Variants in MAP3K15 observed in about 807,000 individuals in gnomAD.
MAP3K15 encodes MAPK/ERK kinase kinase 15.
In MAP3K15, 124 loss-of-function variants were observed where a neutral mutation model predicts 99.5. The ratio of observed to expected loss-of-function variants is 1.25; its 90% CI spans 1.08 to 1.45. The LOEUF is 1.45. Ranked by LOEUF, MAP3K15 falls within the 40% of genes most tolerant of loss-of-function variation. The probability of loss-of-function intolerance (pLI) is 0.00; values close to 1 mark genes in which losing one functional copy is unlikely to be tolerated. For missense variants in MAP3K15, 1,242 were observed against 1,079.7 expected, an observed-to-expected ratio of 1.15 and a Z score of -2.11; for synonymous variants, 494 against 439.6, an observed-to-expected ratio of 1.12 and a Z score of -1.55.
intron 13 of MAP3K15, among the ~76,000 whole-genome samples, chrX:19,401,651 A>C (rs1459860725): frequency 9.0e-6 from 1 of 111,640 alleles, no homozygotes; most frequent in Non-Finnish European, 1.9e-5. Context: ...GGAAACGCAT[A>C]AGGTGGCCAC....
At chrX:19,424,243 T>C (rs866538695) in intron 9 of MAP3K15, among the ~76,000 whole-genome samples, 5 of 85,112 alleles carry the variant, frequency 5.9e-5, no homozygotes, top group Admixed American at 3.5e-4. Context: ...CACATATATA[T>C]ACATATATAT....
rs1201796838 is a variant in MAP3K15, at chrX:19,361,328, G to A, written c.3857+11C>T. Reference sequence around the variant, plus strand: ...TGTATTCTCTTATACAAACTGTTTTGAGGCTCTTACCGTAGTCGAAGGTAT... The same window carrying A: ...TGTATTCTCTTATACAAACTGTTTTAAGGCTCTTACCGTAGTCGAAGGTAT... On this transcript the variant is annotated intron_variant, in intron 28 of 28. Transcript: ENST00000338883. 2 of 1,182,803 alleles carry A rather than the reference G, an allele frequency of 1.7e-6. No homozygotes were observed. Among genetic ancestry groups the A allele is most frequent in the African/African-American group, 3.5e-5 (2 of 56,801 alleles).
intron 1 of MAP3K15, among the ~76,000 whole-genome samples, chrX:19,514,291 C>T (rs945631841): frequency 1.9e-5 from 2 of 106,620 alleles, no homozygotes; most frequent in African/African-American, 6.9e-5. Flanking sequence ...TTGGGACCCA[C>T]GGCCGTAAGA....
At chrX:19,364,808 G>A (rs1295341212) in intron 25 of MAP3K15, among the ~76,000 whole-genome samples, 2 of 106,069 alleles carry the variant, frequency 1.9e-5, no homozygotes, top group African/African-American at 3.5e-5. Flanking sequence ...CAGGAGAATC[G>A]CTTTAACCTG....
At chrX:19,421,038 T>C (rs2063779949) in intron 9 of MAP3K15, among the ~76,000 whole-genome samples, 1 of 111,048 alleles carries the variant, frequency 9.0e-6, no homozygotes. Context: ...TATCTCAAAA[T>C]AATAAGAGGT....
chrX:19,416,355 A>C (rs896811541), intron 9 of MAP3K15, among the ~76,000 whole-genome samples: 6 of 110,972 alleles, frequency 5.4e-5, no homozygotes, highest in Non-Finnish European at 7.6e-5. Flanking sequence ...AAAAAAAAAA[A>C]ACTTCCACCG....
chrX:19,422,859 C>T (rs1203352680), intron 9 of MAP3K15, among the ~76,000 whole-genome samples: 12 of 111,089 alleles, frequency 1.1e-4, no homozygotes, highest in African/African-American at 2.6e-4. Context: ...TAAAAAAGGA[C>T]GAGTTCATGT....
intron 6 of MAP3K15, among the ~76,000 whole-genome samples, chrX:19,445,950 A>AAATAAAT (rs2063994742): frequency 1.9e-4 from 2 of 10,428 alleles, no homozygotes. Context: ...TCCATCTCAA[A>AAATAAAT]AATCAATAAA....
chrX:19,509,611 T>C (rs987301008), intron 1 of MAP3K15, among the ~76,000 whole-genome samples: 1 of 111,858 alleles, frequency 8.9e-6, no homozygotes, highest in African/African-American at 3.3e-5. Context: ...GAGGGAAATG[T>C]ATAGCACTAA....
chrX:19,445,532 G>A (rs1473758274), intron 6 of MAP3K15, among the ~76,000 whole-genome samples: 1 of 103,333 alleles, frequency 9.7e-6, no homozygotes, highest in Non-Finnish European at 2.0e-5. Context: ...AGAGGTTGCA[G>A]TGAGCTGAGA....
At chrX:19,372,360 T>C (rs1321972635) in intron 22 of MAP3K15, among the ~76,000 whole-genome samples, 1 of 111,420 alleles carries the variant, frequency 9.0e-6, no homozygotes, top group Non-Finnish European at 1.9e-5. Flanking sequence ...AGAAGGTGCT[T>C]CGGGCTTTCT....
intron 4 of MAP3K15, among the ~76,000 whole-genome samples, chrX:19,463,251 G>A (rs761077946): frequency 4.5e-5 from 5 of 111,937 alleles, no homozygotes; most frequent in Admixed American, 9.5e-5. Flanking sequence ...GTAGAAGAAG[G>A]TCTGTATCCA....
chrX:19,414,265 T>C (rs1224746416), intron 10 of MAP3K15: 3 of 116,825 alleles, frequency 2.6e-5, no homozygotes, highest in African/African-American at 9.7e-5. Flanking sequence ...TAAACCTGGT[T>C]AGAGATTACG....
chrX:19,460,118 C>T lies in MAP3K15; in HGVS notation c.755G>A (p.Arg252Gln). 6 of 1,191,172 alleles carry T rather than the reference C, an allele frequency of 5.0e-6. No homozygotes were observed. The highest frequency in any genetic ancestry group is 6.7e-6 in the Non-Finnish European group (6 of 891,913). ...ACCTTGGTATTTCTCTCTGGCTTTCCGGATGTCATTTAACAAGGTTTCTTT... is the reference window on the plus strand; with the variant it reads ...ACCTTGGTATTTCTCTCTGGCTTTCTGGATGTCATTTAACAAGGTTTCTTT... ...YYKETLLNDI[R>Q]KAREKYQGEE... The change falls in exon 5 of 29, where the codon CGG (arginine) becomes CAG (glutamine). Residue 252 changes from arginine to glutamine, a missense_variant. By Grantham distance (43) the Arg-to-Gln change is conservative. Coordinates refer to ENST00000338883, the MANE Select transcript of MAP3K15 (RefSeq NM_001001671.4).
intron 26 of MAP3K15, 156 bp from the exon 27 acceptor site, chrX:19,361,749 A>T: frequency 1.3e-5 from 5 of 377,934 alleles, no homozygotes; most frequent in South Asian, 5.5e-5. Flanking sequence ...GTATTACACA[A>T]TTCATAATTC....
intron 6 of MAP3K15, among the ~76,000 whole-genome samples, chrX:19,435,481 T>C (rs1000774392): frequency 8.0e-5 from 9 of 112,223 alleles, no homozygotes; most frequent in African/African-American, 2.6e-4. Context: ...GTTTGGATTT[T>C]AGTTTTTTGG....
chrX:19,398,179 G>C, intron 15 of MAP3K15, 47 bp downstream of exon 15: 1 of 1,204,339 alleles, frequency 8.3e-7, no homozygotes, highest in African/African-American at 1.7e-5. Flanking sequence ...ATGGGATCTG[G>C]GGTGTGGAGA....
chrX:19,514,892 C>T lies in MAP3K15; in HGVS notation c.361+9G>A. 7 of 1,087,970 alleles carry T rather than the reference C, an allele frequency of 6.4e-6. No homozygotes were observed. Among genetic ancestry groups the T allele is most frequent in the Non-Finnish European group, 8.4e-6 (7 of 829,390 alleles). The allele number at this position is 1,087,970 out of a possible 1,213,427, so 89.7% of individuals were successfully genotyped here. A position where few individuals can be genotyped will look rare whatever the true frequency, so the allele number is the denominator to read the frequency against. The stretch of plus-strand genomic sequence containing the variant: ...ACTGGGACTGAGGTGGGGACGAAGC[C>T]GCTCTCACCTGCGTCGTAGAAGGCG... On this transcript the variant is annotated intron_variant, in intron 1 of 28. Transcript: ENST00000338883.
rs775822591 is a variant in MAP3K15, at chrX:19,392,422, G to T, written c.2246C>A (p.Thr749Lys). ...RSKWGPMKEP[T>K]IKFYTKQILE... Reference sequence around the variant, plus strand: ...GATCTGTTTGGTGTAAAACTTGATTGTCGGTTCCTTCATCGGCCCCCATTT... The same window carrying T: ...GATCTGTTTGGTGTAAAACTTGATTTTCGGTTCCTTCATCGGCCCCCATTT... Residue 749 changes from threonine (T) to lysine (K), a missense_variant, in exon 17 of 29, where the codon ACA becomes AAA. Physicochemically the swap from Thr to Lys is moderately conservative, Grantham distance 78. Transcript: ENST00000338883. 2 of 1,210,925 alleles carry T rather than the reference G, an allele frequency of 1.7e-6. No homozygotes were observed. Among genetic ancestry groups the T allele is most frequent in the Non-Finnish European group, 2.2e-6 (2 of 894,810 alleles).
Sources: allele counts gnomAD v4.1 joint callset (sites outside exome capture counted in the v4.1 genomes callset), GRCh38; gene constraint gnomAD v4.1.1; transcripts MANE v1.5; gene names NCBI Gene and HGNC (gene_info 2026-07-23, HGNC 2026-07-21).